Variants in SMYD2 observed in about 807,000 individuals in gnomAD.
SMYD2 encodes the protein N-lysine methyltransferase SMYD2.
SMYD2 carries 53 observed loss-of-function variants against 59.1 expected under a neutral mutation model. The ratio of observed to expected loss-of-function variants is 0.90; its 90% CI spans 0.72 to 1.13. The LOEUF is 1.13. Ranked by LOEUF, SMYD2 falls within the 50% of genes most tolerant of loss-of-function variation. The pLI is 0.00. For missense variants in SMYD2, 494 were observed against 544.7 expected, an observed-to-expected ratio of 0.91 and a Z score of 0.93; for synonymous variants, 208 against 198.8, an observed-to-expected ratio of 1.05 and a Z score of -0.39.
rs546279718 is a variant in SMYD2, at chr1:214,311,773, T to C, written c.238-2989T>C. 1.0e-3 allele frequency among the ~76,000 whole-genome samples: 153 copies of C among 152,344 alleles called. 1 individual carries two copies. Among genetic ancestry groups the C allele is most frequent in the Middle Eastern group, 6.8e-3 (2 of 294 alleles). The stretch of plus-strand genomic sequence containing the variant: ...TCATATTTAACTTCCCAGGAATTCA[T>C]TGTAGTTGCTAAACACCAAGGCACC... On this transcript the variant is annotated intron_variant, in intron 2 of 11. Coordinates refer to ENST00000366957, the MANE Select transcript of SMYD2 (RefSeq NM_020197.3).
rs1027602088 is a variant in SMYD2 at position 214,322,746 on chromosome 1, T to C, written c.535-1895T>C. On this transcript the variant is annotated intron_variant, in intron 5 of 11. Coordinates refer to ENST00000366957, the MANE Select transcript of SMYD2 (RefSeq NM_020197.3). ...ATTCTGGCTCCTGTTCTGCCACTTATCATTTACATATCCTTGAGCAAGTCA... is the reference window on the plus strand; with the variant it reads ...ATTCTGGCTCCTGTTCTGCCACTTACCATTTACATATCCTTGAGCAAGTCA... 3.9e-5 allele frequency among the ~76,000 whole-genome samples: 6 copies of C among 152,356 alleles called. No individual in the cohort carries two copies. The South Asian group carries it at 8.3e-4, about 21-fold the overall frequency.
chr1:214,319,017 G>A (rs776604162), intron 5 of SMYD2, 34 bp downstream of exon 5: 1 of 1,608,680 alleles, frequency 6.2e-7, no homozygotes, highest in Admixed American at 1.7e-5. Flanking sequence ...CACTCAGTCT[G>A]GCCTTTCCCT....
Position 214,334,250 on chromosome 1 carries a change from T to A in SMYD2, c.1163T>A (p.Leu388Gln). The change falls in exon 11 of 12, where the codon CTA (leucine) becomes CAA (glutamine). Residue 388 changes from leucine (L) to glutamine (Q), a missense_variant. Coordinates refer to ENST00000366957, the MANE Select transcript of SMYD2 (RefSeq NM_020197.3). ...SLNVASMWLK[L>Q]GRLYMGLEHK... Reference sequence around the variant, plus strand: ...AACGTGGCCTCCATGTGGTTGAAGCTAGGGAGACTCTACATGGGCCTGGAA... The same window carrying A: ...AACGTGGCCTCCATGTGGTTGAAGCAAGGGAGACTCTACATGGGCCTGGAA... 1 of 1,614,034 alleles carries A rather than the reference T, an allele frequency of 6.2e-7. No individual in the cohort carries two copies. Among genetic ancestry groups the A allele is most frequent in the East Asian group, 2.2e-5 (1 of 44,870 alleles).
Position 214,296,455 on chromosome 1 carries a change from A to G in SMYD2, c.174-8732A>G, listed in dbSNP as rs118117162. 4.7e-4 allele frequency among the ~76,000 whole-genome samples: 71 copies of G among 152,346 alleles called. 2 individuals carry two copies. The East Asian group carries it at 0.013, about 29-fold the overall frequency. The stretch of plus-strand genomic sequence containing the variant: ...CACAGTAGGGTAGATATTTGCCCAT[A>G]AAACAAAGGCTTTAGAAACATAGAT... On this transcript the variant is annotated intron_variant, in intron 1 of 11. Transcript: ENST00000366957.
intron 1 of SMYD2, among the ~76,000 whole-genome samples, chr1:214,298,609 C>G (rs1656769668): frequency 6.6e-6 from 1 of 152,132 alleles, no homozygotes; most frequent in Non-Finnish European, 1.5e-5. Context: ...AACAGACACC[C>G]TACAGAGTAG....
At chr1:214,310,112 A>C (rs1656976139) in intron 2 of SMYD2, among the ~76,000 whole-genome samples, 1 of 152,250 alleles carries the variant, frequency 6.6e-6, no homozygotes, top group Non-Finnish European at 1.5e-5. Flanking sequence ...CTTATCGAGG[A>C]AGGCAACATA....
chr1:214,327,671 A>G lies in SMYD2; in HGVS notation c.652A>G (p.Lys218Glu), dbSNP rs779249565. The change falls in exon 7 of 12, where the codon AAA (lysine) becomes GAA (glutamate). Residue 218 changes from lysine (K) to glutamate (E), a missense_variant. Physicochemically the swap from Lys to Glu is moderately conservative, Grantham distance 56. Transcript: ENST00000366957. ...TTGCCCCAATGTCATTGTGACCTAC[A>G]AAGGGACCCTGGCAGAAGTCAGAGC... ...SCCPNVIVTY[K>E]GTLAEVRAVQ... 3 of 1,614,214 alleles carry G rather than the reference A, an allele frequency of 1.9e-6. No homozygotes were observed. The South Asian group carries it at 3.3e-5, about 18-fold the overall frequency.
intron 2 of SMYD2, among the ~76,000 whole-genome samples, chr1:214,313,888 C>T (rs1267992720): frequency 6.6e-6 from 1 of 152,110 alleles, no homozygotes; most frequent in Non-Finnish European, 1.5e-5. Flanking sequence ...AGAAAGAATA[C>T]TACTGTTAGG....
chr1:214,310,571 G>A lies in SMYD2; in HGVS notation c.238-4191G>A, dbSNP rs564532474. Among the ~76,000 whole-genome samples, 25 of 148,650 alleles carry A rather than the reference G, an allele frequency of 1.7e-4. No individual in the cohort carries two copies. In the South Asian group the frequency reaches 3.0e-3, roughly 18 times the overall value. ...AAAATTTTATAAGTATTGCAGTCAGGGCAGGAGCACTAACTCGAATTTTGA... is the reference window on the plus strand; with the variant it reads ...AAAATTTTATAAGTATTGCAGTCAGAGCAGGAGCACTAACTCGAATTTTGA... On this transcript the variant is annotated intron_variant, in intron 2 of 11. Transcript: ENST00000366957.
chr1:214,330,221 G>A lies in SMYD2; in HGVS notation c.759G>A (p.Arg253=). Residue 253 remains arginine, a synonymous_variant, in exon 8 of 12, where the codon CGG becomes CGA. Transcript: ENST00000366957. Reference sequence around the variant, plus strand: ...ACCCAACGGAAGATAGAAATGACCGGTTAAGAGATTCTTATTTCTTTACCT... The same window carrying A: ...ACCCAACGGAAGATAGAAATGACCGATTAAGAGATTCTTATTTCTTTACCT... The part of the protein sequence containing the change: ...LLYPTEDRND[R]LRDSYFFTCE... The A allele has an allele frequency of 1.2e-6, 2 of 1,613,454 alleles. No homozygotes were observed. The highest frequency in any genetic ancestry group is 1.7e-6 in the Non-Finnish European group (2 of 1,179,598).
rs138706607 is a variant in SMYD2, at chr1:214,314,833, G to T, written c.309G>T (p.Ser103=). 1 of 1,613,926 alleles carries T rather than the reference G, an allele frequency of 6.2e-7. No homozygotes were observed. The highest frequency in any genetic ancestry group is 8.5e-7 in the Non-Finnish European group (1 of 1,179,984). Reference sequence around the variant, plus strand: ...TTTTTGGGGAAAACTGGAATCCCTCGGAGACTGTAAGACTAACAGCAAGGA... The same window carrying T: ...TTTTTGGGGAAAACTGGAATCCCTCTGAGACTGTAAGACTAACAGCAAGGA... ...MVVFGENWNP[S]ETVRLTARIL... The change falls in exon 3 of 12, where the codon TCG becomes TCT. Residue 103 remains serine, a synonymous_variant. Coordinates refer to ENST00000366957, the MANE Select transcript of SMYD2 (RefSeq NM_020197.3).
intron 1 of SMYD2, among the ~76,000 whole-genome samples, chr1:214,283,754 G>T (rs1656486340): frequency 6.6e-6 from 1 of 152,092 alleles, no homozygotes; most frequent in East Asian, 1.9e-4. Flanking sequence ...AAAATCTGCT[G>T]CCTGCCCCAG....
intron 1 of SMYD2, among the ~76,000 whole-genome samples, chr1:214,300,906 T>C (rs1254401149): frequency 6.6e-6 from 1 of 152,234 alleles, no homozygotes; most frequent in Non-Finnish European, 1.5e-5. Context: ...CTCTGTACTC[T>C]TAAAAATTAT....
Position 214,281,169 on chromosome 1 carries a change from C to A in SMYD2, c.-86C>A, listed in dbSNP as rs553870594. ...CGCCGGGCGGCTCCCACCCCGCCCC[C>A]CGCAGCTCTAGGTGACGCGTCTCCA... On this transcript the variant is annotated 5_prime_UTR_variant, in exon 1 of 12. Transcript: ENST00000366957. 2.8e-6 allele frequency: 3 copies of A among 1,056,198 alleles called. No homozygotes were observed. Among genetic ancestry groups the A allele is most frequent in the Non-Finnish European group, 3.6e-6 (3 of 836,268 alleles). The allele number at this position is 1,056,198 out of a possible 1,614,324, so 65.4% of individuals were successfully genotyped here. A position where few individuals can be genotyped will look rare whatever the true frequency, so the allele number is the denominator to read the frequency against.
intron 5 of SMYD2, among the ~76,000 whole-genome samples, chr1:214,320,303 C>G (rs1000332451): frequency 6.6e-6 from 1 of 152,040 alleles, no homozygotes; most frequent in Admixed American, 6.6e-5. Flanking sequence ...ACATACATAA[C>G]GTAAAGATTA....
intron 7 of SMYD2, among the ~76,000 whole-genome samples, chr1:214,328,981 AGCAGTG>A (rs1657306838): frequency 6.6e-6 from 1 of 152,202 alleles, no homozygotes; most frequent in Non-Finnish European, 1.5e-5. Context: ...TCTGGCTGGG[AGCAGTG>A]GTACTGGAGT....
At position 214,324,682 on chromosome 1, in the gene SMYD2, T is replaced by G; in HGVS notation, c.576T>G (p.Ser192=). 1 of 1,613,474 alleles carries G rather than the reference T, an allele frequency of 6.2e-7. No individual in the cohort carries two copies. Among genetic ancestry groups the G allele is most frequent in the Non-Finnish European group, 8.5e-7 (1 of 1,179,744 alleles). Residue 192 remains serine (S), a synonymous_variant, in exon 6 of 12, where the codon TCT becomes TCG. Coordinates refer to ENST00000366957, the MANE Select transcript of SMYD2 (RefSeq NM_020197.3). ...NGFTIEDEEL[S]HLGSAIFPDV... ...TCACAATTGAAGATGAAGAACTTTCTCATTTGGGATCAGCGATATTTCCTG... is the reference window on the plus strand; with the variant it reads ...TCACAATTGAAGATGAAGAACTTTCGCATTTGGGATCAGCGATATTTCCTG...
intron 1 of SMYD2, among the ~76,000 whole-genome samples, chr1:214,285,353 T>G (rs1304446220): frequency 2.0e-5 from 3 of 152,222 alleles, no homozygotes; most frequent in South Asian, 2.1e-4. Flanking sequence ...TAGCCCTGGT[T>G]CTGGCTGCCT....
intron 1 of SMYD2, among the ~76,000 whole-genome samples, chr1:214,304,353 G>A (rs781778475): frequency 9.9e-5 from 15 of 152,042 alleles, no homozygotes; most frequent in Non-Finnish European, 1.8e-4. Context: ...GAGCCCAGGA[G>A]TTGGGGATCA....
Sources: gnomAD v4.1 joint callset for allele counts (sites outside exome capture counted in the v4.1 genomes callset) on GRCh38, gnomAD v4.1.1 for gene constraint, MANE v1.5 for transcripts, NCBI Gene and HGNC (gene_info 2026-07-23, HGNC 2026-07-21) for gene names.